Variants in UNC5D observed in about 807,000 individuals in gnomAD.
UNC5D encodes the protein unc-5 netrin receptor D, also known as netrin receptor UNC5D.
A neutral mutation model predicts 105.4 loss-of-function variants in UNC5D; 39 were observed. The observed-to-expected ratio is 0.37, with a 90% CI of 0.29 to 0.48. The LOEUF (loss-of-function observed/expected upper bound fraction) is 0.48, where lower values mean the gene tolerates loss of function less well. UNC5D is among the 20% of genes least tolerant of loss of function. The probability of loss-of-function intolerance (pLI) is 0.98; values close to 1 mark genes in which losing one functional copy is unlikely to be tolerated. For synonymous variants in UNC5D, 452 were observed against 450.4 expected, an observed-to-expected ratio of 1.00 and a Z score of -0.04; for missense variants, 991 against 1,202.4, an observed-to-expected ratio of 0.82 and a Z score of 2.60.
At chr8:35,408,432 G>A (rs911036940) in intron 1 of UNC5D, among the ~76,000 whole-genome samples, 8 of 150,992 alleles carry the variant, frequency 5.3e-5, no homozygotes, top group African/African-American at 1.2e-4. Context: ...AGAACAGAAT[G>A]TAAAAAGTCC....
At chr8:35,522,225 T>C (rs1253608712) in intron 1 of UNC5D, among the ~76,000 whole-genome samples, 2 of 152,222 alleles carry the variant, frequency 1.3e-5, no homozygotes, top group African/African-American at 4.8e-5. Flanking sequence ...TTTAGATAAC[T>C]GGTGTCATCC....
At chr8:35,465,236 C>A (rs375763096) in intron 1 of UNC5D, among the ~76,000 whole-genome samples, 1 of 152,102 alleles carries the variant, frequency 6.6e-6, no homozygotes, top group East Asian at 1.9e-4. Flanking sequence ...GCAAAAAGTA[C>A]AAAAAATTAG....
chr8:35,726,687 C>G (rs1828898411), intron 10 of UNC5D, 158 bp downstream of exon 10: 1 of 1,122,872 alleles, frequency 8.9e-7, no homozygotes, highest in South Asian at 1.5e-5. Flanking sequence ...CACAGCAAAC[C>G]AGAACCAATG....
At chr8:35,246,582 CT>C in intron 1 of UNC5D, among the ~76,000 whole-genome samples, 1 of 151,878 alleles carries the variant, frequency 6.6e-6, no homozygotes, top group Admixed American at 6.6e-5. Context: ...TGACTTCTTT[CT>C]TTTTTTTAGT....
intron 1 of UNC5D, among the ~76,000 whole-genome samples, chr8:35,394,519 G>A (rs1320634255): frequency 2.6e-5 from 4 of 151,788 alleles, no homozygotes; most frequent in South Asian, 2.1e-4. Flanking sequence ...ACATATTCTT[G>A]GGGCTTTTGC....
intron 4 of UNC5D, among the ~76,000 whole-genome samples, chr8:35,597,430 C>T (rs767241133): frequency 3.3e-5 from 5 of 152,134 alleles, no homozygotes; most frequent in Admixed American, 2.6e-4. Flanking sequence ...TTTAGGACAT[C>T]GCATGTGTTC....
chr8:35,512,297 G>A (rs1812762185), intron 1 of UNC5D, among the ~76,000 whole-genome samples: 1 of 150,850 alleles, frequency 6.6e-6, no homozygotes, highest in South Asian at 2.1e-4. Flanking sequence ...AGAGGCAAAA[G>A]GATTACTTGA....
intron 1 of UNC5D, among the ~76,000 whole-genome samples, chr8:35,281,587 G>A (rs573570117): frequency 6.6e-6 from 1 of 152,016 alleles, no homozygotes; most frequent in Non-Finnish European, 1.5e-5. Flanking sequence ...CTGCAGGCAT[G>A]GACCACCACG....
At chr8:35,730,810 A>T (rs1374538627) in intron 10 of UNC5D, among the ~76,000 whole-genome samples, 1 of 152,146 alleles carries the variant, frequency 6.6e-6, no homozygotes, top group African/African-American at 2.4e-5. Context: ...TCAGTTGAAT[A>T]ATATGCCCTT....
chr8:35,462,859 TC>T (rs779498197), intron 1 of UNC5D, among the ~76,000 whole-genome samples: 15 of 152,242 alleles, frequency 9.9e-5, no homozygotes, highest in Middle Eastern at 3.4e-3. Flanking sequence ...CATATCTCCA[TC>T]CCCCAATTTA....
intron 1 of UNC5D, among the ~76,000 whole-genome samples, chr8:35,537,294 C>G (rs946476112): frequency 6.6e-6 from 1 of 152,120 alleles, no homozygotes; most frequent in Non-Finnish European, 1.5e-5. Flanking sequence ...TAACAAATAT[C>G]TCAGAGATTA....
intron 1 of UNC5D, among the ~76,000 whole-genome samples, chr8:35,277,832 G>A (rs1184018350): frequency 2.0e-5 from 3 of 152,140 alleles, no homozygotes; most frequent in Non-Finnish European, 1.5e-5. Flanking sequence ...ATGTATGGGG[G>A]AATACCTTTG....
Position 35,790,543 on chromosome 8 carries a change from A to G in UNC5D, c.2842A>G (p.Ser948Gly). The change falls in exon 17 of 17, where the codon AGC becomes GGC. Residue 948 changes from serine (S) to glycine (G), a missense_variant. Physicochemically the swap from Ser to Gly is moderately conservative, Grantham distance 56. Transcript: ENST00000404895. ...GCTTGATGAAGCCGACTTCAACTAC[A>G]GCAGGCAAAATGGACTCTAGTCCAC... ...SQLDEADFNY[S>G]RQNGL The G allele has an allele frequency of 6.2e-7, 1 of 1,613,792 alleles. No homozygotes were observed. Among genetic ancestry groups the G allele is most frequent in the Non-Finnish European group, 8.5e-7 (1 of 1,179,814 alleles).
intron 1 of UNC5D, among the ~76,000 whole-genome samples, chr8:35,538,398 TATATA>T (rs1563513963): frequency 0.036 from 693 of 19,134 alleles, 20 homozygotes; most frequent in African/African-American, 0.094. Context: ...AAAATAATTA[TATATA>T]TATATATATA....
At chr8:35,607,433 G>C (rs964087624) in intron 4 of UNC5D, among the ~76,000 whole-genome samples, 2 of 152,140 alleles carry the variant, frequency 1.3e-5, no homozygotes, top group African/African-American at 4.8e-5. Flanking sequence ...AAGAGAAACT[G>C]TTCCATGCTT....
At chr8:35,540,325 T>C (rs1329979727) in intron 1 of UNC5D, among the ~76,000 whole-genome samples, 3 of 152,112 alleles carry the variant, frequency 2.0e-5, no homozygotes, top group Admixed American at 2.0e-4. Flanking sequence ...CCTAAATACA[T>C]TTATATTTTG....
At position 35,699,076 on chromosome 8, in the gene UNC5D, AG is replaced by A. The variant is rs1826995259; in HGVS notation, c.1085-6852del. On this transcript the variant is annotated intron_variant, in intron 7 of 16. Transcript: ENST00000404895. ...TAGATATTGGCTTAAAAGTGTTTGC[AG>A]TGGCCCAAGACCATATTTTACTCTG... Among the ~76,000 whole-genome samples the A allele has an allele frequency of 3.3e-5, 5 of 152,204 alleles. No individual in the cohort carries two copies. The South Asian group carries it at 1.0e-3, about 32-fold the overall frequency.
intron 1 of UNC5D, among the ~76,000 whole-genome samples, chr8:35,402,284 G>A (rs142145405): frequency 1.3e-5 from 2 of 152,240 alleles, no homozygotes; most frequent in Non-Finnish European, 1.5e-5. Context: ...ACAGTTCAAC[G>A]TGGCTGGGGA....
chr8:35,283,820 A>G (rs1172785572), intron 1 of UNC5D, among the ~76,000 whole-genome samples: 2 of 150,484 alleles, frequency 1.3e-5, no homozygotes, highest in Admixed American at 1.3e-4. Flanking sequence ...AAAAATGCTC[A>G]TACCCACGTC....
Sources: allele counts gnomAD v4.1 joint callset (sites outside exome capture counted in the v4.1 genomes callset), GRCh38; gene constraint gnomAD v4.1.1; transcripts MANE v1.5; gene names NCBI Gene and HGNC (gene_info 2026-07-23, HGNC 2026-07-21).